MPHOSPH9: variants seen among roughly 807,000 people sequenced by gnomAD.
MPHOSPH9 encodes M-phase phosphoprotein 9.
A neutral mutation model predicts 145.5 loss-of-function variants in MPHOSPH9; 88 were observed. That is an observed-to-expected ratio of 0.60 (90% CI 0.51 to 0.72). The LOEUF (loss-of-function observed/expected upper bound fraction) is 0.72. MPHOSPH9 is among the 30% of genes least tolerant of loss of function. The pLI is 0.00. For missense variants in MPHOSPH9, 1,238 were observed against 1,386.6 expected, an observed-to-expected ratio of 0.89 and a Z score of 1.70; for synonymous variants, 435 against 486.2, an observed-to-expected ratio of 0.89 and a Z score of 1.39.
At chr12:123,169,104 G>A (rs554544772) in intron 16 of MPHOSPH9, among the ~76,000 whole-genome samples, 7 of 151,620 alleles carry the variant, frequency 4.6e-5, no homozygotes, top group African/African-American at 1.4e-4. Flanking sequence ...AGCCAGGATG[G>A]TCTTGATCTG....
At chr12:123,217,043 A>T (rs1370110147) in intron 6 of MPHOSPH9, among the ~76,000 whole-genome samples, 1 of 152,006 alleles carries the variant, frequency 6.6e-6, no homozygotes, top group Non-Finnish European at 1.5e-5. Context: ...TAAAATCTTA[A>T]TTATCTGAAA....
At chr12:123,205,681 T>C (rs977590163) in intron 8 of MPHOSPH9, among the ~76,000 whole-genome samples, 14 of 152,120 alleles carry the variant, frequency 9.2e-5, no homozygotes, top group African/African-American at 3.4e-4. Flanking sequence ...CACAGCCTGG[T>C]GGTCTGGGGG....
intron 13 of MPHOSPH9, among the ~76,000 whole-genome samples, chr12:123,186,940 G>A (rs1196098638): frequency 1.3e-5 from 2 of 151,384 alleles, no homozygotes; most frequent in Non-Finnish European, 2.9e-5. Flanking sequence ...CAGCCTGGGC[G>A]ACAGAACAAG....
At chr12:123,157,391 A>G (rs2043914544) in intron 23 of MPHOSPH9, among the ~76,000 whole-genome samples, 2 of 152,224 alleles carry the variant, frequency 1.3e-5, no homozygotes, top group South Asian at 2.1e-4. Context: ...CTTAAAAAAA[A>G]AAATAGATTT....
At chr12:123,190,716 A>C (rs1037672749) in intron 13 of MPHOSPH9, among the ~76,000 whole-genome samples, 9 of 152,206 alleles carry the variant, frequency 5.9e-5, no homozygotes, top group African/African-American at 1.9e-4. Flanking sequence ...AAACACAGGC[A>C]TATGTAGTAA....
chr12:123,154,514 G>A lies in MPHOSPH9; in HGVS notation c.*2293C>T, dbSNP rs1443523186. The A allele has an allele frequency of 2.6e-5, 4 of 152,194 alleles. No homozygotes were observed. Among genetic ancestry groups the A allele is most frequent in the Non-Finnish European group, 5.9e-5 (4 of 68,024 alleles). The allele number at this position is 152,194 out of a possible 1,614,324, so 9.4% of individuals were successfully genotyped here. A position where few individuals can be genotyped will look rare whatever the true frequency, so the allele number is the denominator to read the frequency against. ...ACACACTTCAAATATCAAAGCATAT[G>A]CTGAGAGAGAGGCGCAGAAGATGTT... On this transcript the variant is annotated 3_prime_UTR_variant, in exon 24 of 24. Transcript: ENST00000606320.
rs1225982527 is a variant in MPHOSPH9 at position 123,163,991 on chromosome 12, G to C, written c.2867C>G (p.Ser956Ter). 2.5e-6 allele frequency: 4 copies of C among 1,614,144 alleles called. No homozygotes were observed. Among genetic ancestry groups the C allele is most frequent in the Admixed American group, 3.3e-5 (2 of 60,030 alleles). ...QKRLNSASQRSSSLPPSNRKS... is the reference protein window; with the variant it reads ...QKRLNSASQR ...ACGATTTGAAGGTGGTAAAGATGATGATCTCTGTGAGGCCGAATTAAGTCT... is the reference window on the plus strand; with the variant it reads ...ACGATTTGAAGGTGGTAAAGATGATCATCTCTGTGAGGCCGAATTAAGTCT... Residue 956 changes from serine to a stop codon, truncating the protein, a stop_gained, in exon 19 of 24, where the codon TCA becomes TGA. Transcript: ENST00000606320. LOFTEE classifies it high-confidence loss of function.
intron 7 of MPHOSPH9, among the ~76,000 whole-genome samples, chr12:123,213,081 G>C (rs372486358): frequency 6.6e-6 from 1 of 151,716 alleles, no homozygotes; most frequent in Non-Finnish European, 1.5e-5. Context: ...GGATAGTCTC[G>C]ATCGCCTGAC....
rs1404412826 is a variant in MPHOSPH9, at chr12:123,194,603, T to C, written c.2026-2A>G. On this transcript the variant is annotated splice_acceptor_variant, in intron 12 of 23. Transcript: ENST00000606320. LOFTEE classifies it high-confidence loss of function. ...ACTGAAGCGTTCTCTCAAATCATTCTATAAAACAAAGACAAACATAATTTT... is the reference window on the plus strand; with the variant it reads ...ACTGAAGCGTTCTCTCAAATCATTCCATAAAACAAAGACAAACATAATTTT... 7.0e-6 allele frequency: 11 copies of C among 1,560,808 alleles called. No homozygotes were observed. Among genetic ancestry groups the C allele is most frequent in the Non-Finnish European group, 9.5e-6 (11 of 1,161,164 alleles).
At chr12:123,213,405 T>C (rs368498210) in intron 7 of MPHOSPH9, among the ~76,000 whole-genome samples, 12 of 152,226 alleles carry the variant, frequency 7.9e-5, no homozygotes, top group African/African-American at 1.9e-4. Flanking sequence ...AGTGGTGTGA[T>C]CATGGCTCAC....
chr12:123,175,374 C>T (rs1053159164), intron 16 of MPHOSPH9, among the ~76,000 whole-genome samples: 6 of 152,032 alleles, frequency 3.9e-5, no homozygotes, highest in Admixed American at 6.6e-5. Context: ...AGGATGGTCT[C>T]GATCTCCTGA....
At chr12:123,182,315 G>A (rs920453966) in intron 13 of MPHOSPH9, among the ~76,000 whole-genome samples, 31 of 138,654 alleles carry the variant, frequency 2.2e-4, no homozygotes, top group Admixed American at 3.8e-4. Flanking sequence ...GTGCAGTGGC[G>A]TGTTCTCAGC....
chr12:123,157,304 C>T lies in MPHOSPH9; in HGVS notation c.3451-396G>A, dbSNP rs533249612. ...TGATCAGTGCTGCATCCCACACATA[C>T]ATAGATCAAATAACTTTCTTCTCAC... is the stretch of plus-strand genomic sequence containing the variant. On this transcript the variant is annotated intron_variant, in intron 23 of 23. Coordinates refer to ENST00000606320, the MANE Select transcript of MPHOSPH9 (RefSeq NM_022782.4). Among the ~76,000 whole-genome samples the T allele has an allele frequency of 4.1e-5, 6 of 147,594 alleles. No individual in the cohort carries two copies. The East Asian group carries it at 9.9e-4, about 24-fold the overall frequency.
rs1377898483 is a variant in MPHOSPH9 at position 123,172,739 on chromosome 12, C to T, written c.2456+3949G>A. ...CCTCACAAAAACAGGTAGTTCATGC[C>T]ACATGTGGCCCCACAGGCTGGGGTC... On this transcript the variant is annotated intron_variant, in intron 16 of 23. Coordinates refer to ENST00000606320, the MANE Select transcript of MPHOSPH9 (RefSeq NM_022782.4). Among the ~76,000 whole-genome samples the T allele has an allele frequency of 2.0e-5, 3 of 152,170 alleles. No individual in the cohort carries two copies. In the East Asian group the frequency reaches 5.8e-4, roughly 29 times the overall value.
In MPHOSPH9 at chr12:123,164,052, G is replaced by A. The variant is rs372562488; in HGVS notation, c.2806C>T (p.Arg936Cys). Residue 936 changes from arginine (R) to cysteine (C), a missense_variant, in exon 19 of 24, where the codon CGT becomes TGT. Arg to Cys is a radical substitution (Grantham distance 180). Around this residue, in one of 3 missense-constraint regions of MPHOSPH9, gnomAD observed 393 missense variants for 462.5 expected, o/e 0.85. Coordinates refer to ENST00000606320, the MANE Select transcript of MPHOSPH9 (RefSeq NM_022782.4). ...RQTETSVNAS[R>C]SPEKCAQQRQ... The stretch of plus-strand genomic sequence containing the variant: ...TGTTGGGCACACTTTTCTGGAGAAC[G>A]ACTTGCATTAACTGAAGTTTCAGTT... The A allele has an allele frequency of 4.3e-6, 7 of 1,613,942 alleles. No homozygotes were observed. Among genetic ancestry groups the A allele is most frequent in the South Asian group, 3.3e-5 (3 of 91,076 alleles).
At chr12:123,232,933 CGAGGGGGTCA>C (rs2047730578) in intron 1 of MPHOSPH9, 132 bp downstream of exon 1, 3 of 152,432 alleles carry the variant, frequency 2.0e-5, no homozygotes, top group African/African-American at 7.2e-5. Context: ...CGAAGGGCTC[CGAGGGGGTCA>C]GGCCAATCGG....
At chr12:123,153,317 C>G (rs961207449), downstream of MPHOSPH9, 23 of 152,178 alleles carry the variant, frequency 1.5e-4, no homozygotes, top group African/African-American at 5.3e-4. Flanking sequence ...GCTAAAAAAC[C>G]AAACACACCA....
chr12:123,199,487 A>G lies in MPHOSPH9; in HGVS notation c.1938-1153T>C, dbSNP rs375366334. On this transcript the variant is annotated intron_variant, in intron 11 of 23. Coordinates refer to ENST00000606320, the MANE Select transcript of MPHOSPH9 (RefSeq NM_022782.4). ...CCTCACAATTCTGTCCATTAAGACT[A>G]TCATTGGTCCCAGCCAGGCATGGTG... 5.3e-5 allele frequency among the ~76,000 whole-genome samples: 8 copies of G among 152,268 alleles called. No individual in the cohort carries two copies. In the South Asian group the frequency reaches 1.0e-3, roughly 20 times the overall value.
In MPHOSPH9 at chr12:123,163,280, AT is replaced by A. The variant is rs898336104; in HGVS notation, c.2909-147del. 1.0e-5 allele frequency: 9 copies of A among 857,864 alleles called. No homozygotes were observed. The East Asian group carries it at 2.5e-4, about 24-fold the overall frequency. 53.1% of individuals were successfully genotyped at this position (857,864 alleles called of 1,614,324 possible). A position where few individuals can be genotyped will look rare whatever the true frequency, so the allele number is the denominator to read the frequency against. On this transcript the variant is annotated intron_variant, in intron 19 of 23. Transcript: ENST00000606320. ...GAGAGAAATAAGAGTGTACAAAAAA[AT>A]AAAATCACTCATAATCCTAACACCT...
Sources: allele counts gnomAD v4.1 joint callset (sites outside exome capture counted in the v4.1 genomes callset), GRCh38; gene constraint gnomAD v4.1.1; regional missense constraint gnomAD v4.1.1; transcripts MANE v1.5; gene names NCBI Gene and HGNC (gene_info 2026-07-23, HGNC 2026-07-21).